MTOR: variants seen among roughly 807,000 people sequenced by gnomAD.
The protein encoded by MTOR is serine/threonine-protein kinase mTOR.
MTOR carries 70 observed loss-of-function variants against 319.8 expected under a neutral mutation model. The ratio of observed to expected loss-of-function variants is 0.22; its 90% CI spans 0.18 to 0.27. The LOEUF is 0.27. Ranked by LOEUF, MTOR falls within the 10% of genes least tolerant of loss-of-function variation. The pLI is 1.00. For missense variants in MTOR, 1,890 were observed against 3,274.4 expected (o/e 0.58, Z 10.32); for synonymous variants, 1,183 against 1,211.4 (o/e 0.98, Z 0.49).
chr1:11,219,731 A>G (rs1430491507), intron 19 of MTOR, among the ~76,000 whole-genome samples: 2 of 152,180 alleles, frequency 1.3e-5, no homozygotes, highest in African/African-American at 2.4e-5. Flanking sequence ...CCTTAAAAAA[A>G]GTGGGAATAA....
chr1:11,166,700 T>A (rs544093333), intron 29 of MTOR, among the ~76,000 whole-genome samples: 1 of 152,296 alleles, frequency 6.6e-6, no homozygotes, highest in East Asian at 1.9e-4. Flanking sequence ...TCCTCAAGGA[T>A]CTAGAACTAG....
chr1:11,180,722 G>A (rs1645119099), intron 28 of MTOR, among the ~76,000 whole-genome samples: 1 of 151,990 alleles, frequency 6.6e-6, no homozygotes, highest in African/African-American at 2.4e-5. Flanking sequence ...GGACAGATGA[G>A]CTTTGTTAGG....
intron 20 of MTOR, among the ~76,000 whole-genome samples, chr1:11,215,865 TGC>T (rs1646453605): frequency 6.6e-6 from 1 of 152,218 alleles, no homozygotes; most frequent in African/African-American, 2.4e-5. Flanking sequence ...AAAGTAAAAT[TGC>T]TTTGTTGTGT....
intron 5 of MTOR, 101 bp downstream of exon 5, chr1:11,255,891 G>T: frequency 2.4e-5 from 24 of 1,016,086 alleles, no homozygotes; most frequent in Non-Finnish European, 3.2e-5. Context: ...ACCAAAACGT[G>T]ATTCTTGCTC....
intron 34 of MTOR, chr1:11,144,335 T>C: frequency 3.6e-6 from 1 of 275,268 alleles, no homozygotes; most frequent in South Asian, 7.4e-5. Context: ...ACTGTGCTGC[T>C]AAGGTTGAGA....
At chr1:11,194,145 T>C (rs543881359) in intron 28 of MTOR, among the ~76,000 whole-genome samples, 21 of 152,324 alleles carry the variant, frequency 1.4e-4, no homozygotes, top group African/African-American at 5.1e-4. Context: ...GCACTCACTA[T>C]ATCCTCATGT....
At chr1:11,173,507 TCC>T (rs1644889346) in intron 28 of MTOR, among the ~76,000 whole-genome samples, 2 of 152,104 alleles carry the variant, frequency 1.3e-5, no homozygotes, top group Non-Finnish European at 2.9e-5. Flanking sequence ...GGTCTCGAAC[TCC>T]TGAGCTCAAG....
At position 11,256,213 on chromosome 1, in the gene MTOR, A is replaced by G. The variant is rs1650376294; in HGVS notation, c.505-21T>C. The G allele has an allele frequency of 3.1e-6, 5 of 1,607,204 alleles. No homozygotes were observed. The East Asian group carries it at 8.9e-5, about 29-fold the overall frequency. On this transcript the variant is annotated intron_variant, in intron 4 of 57. Transcript: ENST00000361445. Reference sequence around the variant, plus strand: ...AGGACCTGGAGAAAAAAGCAAACCGAGAACTCTCATTGGTACCAGAGTTTT... The same window carrying G: ...AGGACCTGGAGAAAAAAGCAAACCGGGAACTCTCATTGGTACCAGAGTTTT...
At chr1:11,208,848 T>C (rs549289823) in intron 25 of MTOR, among the ~76,000 whole-genome samples, 3 of 152,310 alleles carry the variant, frequency 2.0e-5, no homozygotes, top group Admixed American at 2.0e-4. Flanking sequence ...TCACATTAGC[T>C]GGCAGCTTGT....
At chr1:11,173,722 T>C (rs1175402429) in intron 28 of MTOR, among the ~76,000 whole-genome samples, 1 of 152,240 alleles carries the variant, frequency 6.6e-6, no homozygotes, top group Non-Finnish European at 1.5e-5. Flanking sequence ...ATTTCTCTTA[T>C]TTCCTTCTGA....
chr1:11,121,468 A>G lies in MTOR; in HGVS notation c.6811-100T>C. ...TGGGGTCCAGGCAGAGCTGAGTTCT[A>G]ATTTCCCCATCATAGCCAAAGGAGA... On this transcript the variant is annotated intron_variant, in intron 48 of 57. Coordinates refer to ENST00000361445, the MANE Select transcript of MTOR (RefSeq NM_004958.4). This position sits in a 1 kb window ranked among gnomAD's most constrained non-coding sequence, Gnocchi z 4.9. The G allele has an allele frequency of 1.1e-5, 16 of 1,484,626 alleles. No individual in the cohort carries two copies. The highest frequency in any genetic ancestry group is 1.5e-5 in the Non-Finnish European group (16 of 1,092,102). The allele number at this position is 1,484,626 out of a possible 1,614,324, so 92.0% of individuals were successfully genotyped here. A position where few individuals can be genotyped will look rare whatever the true frequency, so the allele number is the denominator to read the frequency against.
intron 29 of MTOR, among the ~76,000 whole-genome samples, chr1:11,164,523 C>A (rs915441714): frequency 1.3e-5 from 2 of 152,090 alleles, no homozygotes; most frequent in Non-Finnish European, 2.9e-5. Flanking sequence ...TGGACACATA[C>A]ACCCTCCCAA....
chr1:11,146,694 G>A lies in MTOR; in HGVS notation c.4668C>T (p.Leu1556=). ...TTTTTACCTGTTGTGCCAAGGAGAAGAGGTCCTGATGCAGTGCCAGCACAG... is the reference window on the plus strand; with the variant it reads ...TTTTTACCTGTTGTGCCAAGGAGAAAAGGTCCTGATGCAGTGCCAGCACAG... ...YRAVLALHQD[L]FSLAQQCIDK... is the part of the protein sequence containing the mutation. The change falls in exon 32 of 58, where the codon CTC becomes CTT. Residue 1556 remains leucine (L), a synonymous_variant. Coordinates refer to ENST00000361445, the MANE Select transcript of MTOR (RefSeq NM_004958.4). 6.2e-7 allele frequency: 1 copy of A among 1,614,092 alleles called. No homozygotes were observed. Among genetic ancestry groups the A allele is most frequent in the Non-Finnish European group, 8.5e-7 (1 of 1,179,954 alleles).
At chr1:11,148,541 A>C (rs748158065) in intron 31 of MTOR, among the ~76,000 whole-genome samples, 26 of 152,092 alleles carry the variant, frequency 1.7e-4, no homozygotes, top group Non-Finnish European at 3.1e-4. Context: ...TATAGAGATG[A>C]CTTTATGACT....
chr1:11,107,501 C>A lies in MTOR; in HGVS notation c.7635-1G>T. The A allele has an allele frequency of 6.2e-7, 1 of 1,613,046 alleles. No homozygotes were observed. Among genetic ancestry groups the A allele is most frequent in the South Asian group, 1.1e-5 (1 of 90,810 alleles). The stretch of plus-strand genomic sequence containing the variant: ...GGCCTCCAGTTACCAGAAAGGGCAC[C>A]TAAGAAGGCAGAAAGAAAAGGAATA... On this transcript the variant is annotated splice_acceptor_variant, in intron 57 of 57. Transcript: ENST00000361445. LOFTEE classifies it high-confidence loss of function.
Position 11,106,680 on chromosome 1 carries a change from G to A in MTOR, c.*805C>T, listed in dbSNP as rs530004044. On this transcript the variant is annotated 3_prime_UTR_variant, in exon 58 of 58. Transcript: ENST00000361445. Reference sequence around the variant, plus strand: ...TTCCAATATGTACCAGACCTTCCCTGTGTTCAGCACCTCCATGACAGTATT... The same window carrying A: ...TTCCAATATGTACCAGACCTTCCCTATGTTCAGCACCTCCATGACAGTATT... The A allele has an allele frequency of 8.7e-7, 1 of 1,150,124 alleles. No homozygotes were observed. The highest frequency in any genetic ancestry group is 1.1e-6 in the Non-Finnish European group (1 of 927,334). 71.2% of individuals were successfully genotyped at this position (1,150,124 alleles called of 1,614,324 possible). A position where few individuals can be genotyped will look rare whatever the true frequency, so the allele number is the denominator to read the frequency against.
chr1:11,158,779 G>T (rs953326680), intron 29 of MTOR, among the ~76,000 whole-genome samples: 1 of 152,034 alleles, frequency 6.6e-6, no homozygotes, highest in African/African-American at 2.4e-5. Context: ...TGAACAAGCA[G>T]AGGGGAGAGG....
rs373486068 is a variant in MTOR at position 11,216,511 on chromosome 1, G to A, written c.3031-277C>T. 3.7e-4 allele frequency among the ~76,000 whole-genome samples: 57 copies of A among 152,150 alleles called. No homozygotes were observed. In the East Asian group the frequency reaches 9.5e-3, roughly 25 times the overall value. Reference sequence around the variant, plus strand: ...TCTACAAAAAAAATACAAAAAATTAGCTGGGCACTTGCCTGTAGTTCTAGC... The same window carrying A: ...TCTACAAAAAAAATACAAAAAATTAACTGGGCACTTGCCTGTAGTTCTAGC... On this transcript the variant is annotated intron_variant, in intron 19 of 57. Coordinates refer to ENST00000361445, the MANE Select transcript of MTOR (RefSeq NM_004958.4).
At chr1:11,196,305 T>C (rs941018928) in intron 28 of MTOR, among the ~76,000 whole-genome samples, 3 of 152,200 alleles carry the variant, frequency 2.0e-5, no homozygotes, top group Non-Finnish European at 4.4e-5. Flanking sequence ...AAAAGTGGTG[T>C]GTGTGCGCTT....
Sources: allele counts gnomAD v4.1 joint callset (sites outside exome capture counted in the v4.1 genomes callset), GRCh38; gene constraint gnomAD v4.1.1; non-coding constraint Gnocchi (gnomAD v3.1); transcripts MANE v1.5; gene names NCBI Gene and HGNC (gene_info 2026-07-23, HGNC 2026-07-21).